SYT1: variants seen among roughly 807,000 people sequenced by gnomAD.
SYT1 encodes the protein synaptotagmin 1.
In SYT1, 8 loss-of-function variants were observed where a neutral mutation model predicts 44.8. The ratio of observed to expected loss-of-function variants is 0.18; its 90% CI spans 0.10 to 0.32. The LOEUF (loss-of-function observed/expected upper bound fraction) is 0.32, where lower values mean the gene tolerates loss of function less well. Ranked by LOEUF, SYT1 falls within the 10% of genes least tolerant of loss-of-function variation. The pLI is 1.00. For synonymous variants in SYT1, 154 were observed against 188.8 expected (o/e 0.82, Z 1.51); for missense variants, 286 against 509.3 (o/e 0.56, Z 4.22).
chr12:79,266,554 TA>T (rs2138750495), intron 4 of SYT1, among the ~76,000 whole-genome samples: 1 of 152,070 alleles, frequency 6.6e-6, no homozygotes, highest in East Asian at 1.9e-4. Context: ...CATATGATGG[TA>T]AAAGAAAAAA....
intron 5 of SYT1, chr12:79,291,670 C>CA (rs1406474170): frequency 2.4e-6 from 1 of 421,072 alleles, no homozygotes; most frequent in Non-Finnish European, 4.7e-6. Flanking sequence ...TGGTTAGTAG[C>CA]ATGTTTATCT....
intron 9 of SYT1, among the ~76,000 whole-genome samples, chr12:79,374,952 C>T (rs1458010193): frequency 6.6e-6 from 1 of 152,144 alleles, no homozygotes; most frequent in Non-Finnish European, 1.5e-5. Context: ...GCCACATGGT[C>T]TCTCGCAACT....
intron 3 of SYT1, among the ~76,000 whole-genome samples, chr12:79,132,779 C>A (rs1051897619): frequency 2.0e-5 from 3 of 148,066 alleles, no homozygotes; most frequent in Non-Finnish European, 3.0e-5. Context: ...ATCAGTATAT[C>A]AAAGGGATAC....
chr12:79,334,703 A>T (rs1882010010), intron 8 of SYT1, among the ~76,000 whole-genome samples: 1 of 152,106 alleles, frequency 6.6e-6, no homozygotes, highest in African/African-American at 2.4e-5. Flanking sequence ...ATCTCCTTTG[A>T]TATTTCTTTG....
At chr12:78,937,671 T>C (rs1257394454) in intron 1 of SYT1, among the ~76,000 whole-genome samples, 1 of 152,206 alleles carries the variant, frequency 6.6e-6, no homozygotes, top group Non-Finnish European at 1.5e-5. Flanking sequence ...ACGGTGTTTA[T>C]GTGTCATTTT....
chr12:79,101,114 C>T (rs1831000843), intron 3 of SYT1, among the ~76,000 whole-genome samples: 1 of 152,026 alleles, frequency 6.6e-6, no homozygotes, highest in African/African-American at 2.4e-5. Flanking sequence ...TTCAGAAAAA[C>T]TGTACCTTAA....
At chr12:79,024,282 G>A (rs536873985) in intron 2 of SYT1, among the ~76,000 whole-genome samples, 5 of 151,830 alleles carry the variant, frequency 3.3e-5, no homozygotes, top group South Asian at 2.1e-4. Context: ...AGGCAAATTC[G>A]AGGATGGGTT....
At chr12:79,005,401 T>C (rs1441582214) in intron 2 of SYT1, among the ~76,000 whole-genome samples, 1 of 152,042 alleles carries the variant, frequency 6.6e-6, no homozygotes, top group Non-Finnish European at 1.5e-5. Context: ...GTTTTCCTTT[T>C]GCTGGCTCTA....
chr12:79,286,442 G>A (rs1879318696), intron 5 of SYT1, among the ~76,000 whole-genome samples: 1 of 152,116 alleles, frequency 6.6e-6, no homozygotes, highest in African/African-American at 2.4e-5. Flanking sequence ...CCATCCAGCT[G>A]AAAAATTAAT....
At chr12:78,901,108 A>T (rs987498734) in intron 1 of SYT1, among the ~76,000 whole-genome samples, 6 of 152,050 alleles carry the variant, frequency 3.9e-5, no homozygotes, top group African/African-American at 1.4e-4. Flanking sequence ...TTTTATATTA[A>T]TCCATTGCTT....
intron 1 of SYT1, 157 bp from the exon 2 acceptor site, chr12:78,977,642 A>C (rs1255671552): frequency 6.6e-6 from 1 of 152,298 alleles, no homozygotes; most frequent in Admixed American, 6.5e-5. Flanking sequence ...CACCCAGCAC[A>C]ACCAGGAATT....
At position 79,205,958 on chromosome 12, in the gene SYT1, C is replaced by T. The variant is rs74107347; in HGVS notation, c.-17-11545C>T. Among the ~76,000 whole-genome samples, 583 of 152,082 alleles carry T rather than the reference C, an allele frequency of 3.8e-3. 8 individuals are homozygous for T. Among genetic ancestry groups the T allele is most frequent in the African/African-American group, 0.014 (569 of 41,498 alleles). ...TTTTCTCCTCATTCTTTAGGAAATA[C>T]GTATTTCATGTACTCTAAGAGACCA... On this transcript the variant is annotated intron_variant, in intron 3 of 10. Coordinates refer to ENST00000261205, the MANE Select transcript of SYT1 (RefSeq NM_005639.3).
At chr12:79,400,724 A>G (rs1245602361) in intron 9 of SYT1, among the ~76,000 whole-genome samples, 1 of 152,252 alleles carries the variant, frequency 6.6e-6, no homozygotes, top group Non-Finnish European at 1.5e-5. Flanking sequence ...GACTGAGGGC[A>G]CATTGCTGAA....
chr12:79,125,938 T>A (rs1351823211), intron 3 of SYT1, among the ~76,000 whole-genome samples: 1 of 152,174 alleles, frequency 6.6e-6, no homozygotes, highest in African/African-American at 2.4e-5. Context: ...TCAGAGCACT[T>A]CTTGCAATGT....
chr12:79,031,006 T>C (rs1235019441), intron 2 of SYT1, among the ~76,000 whole-genome samples: 1 of 151,042 alleles, frequency 6.6e-6, no homozygotes, highest in Admixed American at 6.6e-5. Flanking sequence ...ATCTAAACTT[T>C]TGGAGCTGCT....
intron 3 of SYT1, among the ~76,000 whole-genome samples, chr12:79,095,154 A>G (rs1878039179): frequency 1.3e-5 from 2 of 152,050 alleles, no homozygotes; most frequent in South Asian, 4.1e-4. Context: ...GAAGAGGATC[A>G]TTATCAAACG....
rs528284783 is a variant in SYT1, at chr12:79,227,081, A to C, written c.166+9396A>C. 1.7e-4 allele frequency among the ~76,000 whole-genome samples: 26 copies of C among 152,262 alleles called. 1 individual carries two copies. In the South Asian group the frequency reaches 5.0e-3, roughly 29 times the overall value. The stretch of plus-strand genomic sequence containing the variant: ...AAACAGCTTTACTCTGTCACTTGAA[A>C]TTCCCACTTGTAAGAAGAGGGGTGT... On this transcript the variant is annotated intron_variant, in intron 4 of 10. Coordinates refer to ENST00000261205, the MANE Select transcript of SYT1 (RefSeq NM_005639.3).
chr12:79,228,915 G>A (rs988451836), intron 4 of SYT1, among the ~76,000 whole-genome samples: 2 of 152,156 alleles, frequency 1.3e-5, no homozygotes, highest in Admixed American at 6.5e-5. Flanking sequence ...TCACCACTTG[G>A]ATGAGAGGTT....
chr12:78,910,808 C>T (rs540964063), intron 1 of SYT1, among the ~76,000 whole-genome samples: 1 of 151,920 alleles, frequency 6.6e-6, no homozygotes, highest in Non-Finnish European at 1.5e-5. Flanking sequence ...CAGTAGTGTA[C>T]ATGTGAGCTG....
Sources: gnomAD v4.1 joint callset for allele counts (sites outside exome capture counted in the v4.1 genomes callset) on GRCh38, gnomAD v4.1.1 for gene constraint, MANE v1.5 for transcripts, NCBI Gene and HGNC (gene_info 2026-07-23, HGNC 2026-07-21) for gene names.